The following L3MBTL4 variants were observed in gnomAD, a reference collection of about 807,000 sequenced individuals.
L3MBTL4 encodes lethal(3)malignant brain tumor-like protein 4.
L3MBTL4 carries 70 observed loss-of-function variants against 84.5 expected under a neutral mutation model. The ratio of observed to expected loss-of-function variants is 0.83; its 90% confidence interval spans 0.68 to 1.01. The LOEUF (loss-of-function observed/expected upper bound fraction) is 1.01, where lower values mean the gene tolerates loss of function less well. Among genes scored for constraint, L3MBTL4 ranks in the 50% least tolerant of loss-of-function variants. The probability of loss-of-function intolerance (pLI) is 0.00; values close to 1 mark genes in which losing one functional copy is unlikely to be tolerated. For missense variants in L3MBTL4, 715 were observed against 754.8 expected, an observed-to-expected ratio of 0.95 and a Z score of 0.62; for synonymous variants, 274 against 259.8, an observed-to-expected ratio of 1.05 and a Z score of -0.52.
chr18:6,076,555 T>C (rs1464190785), intron 16 of L3MBTL4, among the ~76,000 whole-genome samples: 1 of 152,062 alleles, frequency 6.6e-6, no homozygotes, highest in African/African-American at 2.4e-5. Context: ...TTTTTACTTA[T>C]AACAGAAATA....
At chr18:6,250,613 A>G (rs1302042604) in intron 5 of L3MBTL4, among the ~76,000 whole-genome samples, 1 of 152,158 alleles carries the variant, frequency 6.6e-6, no homozygotes, top group East Asian at 1.9e-4. Context: ...TATTTTCCTC[A>G]TTTTAATTCA....
intron 17 of L3MBTL4, among the ~76,000 whole-genome samples, chr18:5,969,064 C>G (rs947243489): frequency 6.6e-6 from 1 of 152,088 alleles, no homozygotes; most frequent in African/African-American, 2.4e-5. Context: ...TGTGCTTGCC[C>G]AAATTAAATC....
chr18:6,044,031 A>G (rs1598539735), intron 16 of L3MBTL4, among the ~76,000 whole-genome samples: 1 of 152,228 alleles, frequency 6.6e-6, no homozygotes, highest in Non-Finnish European at 1.5e-5. Context: ...ATGGCTGAGC[A>G]AAAGACTTGA....
At chr18:6,174,145 T>TAA (rs139680614) in intron 12 of L3MBTL4, among the ~76,000 whole-genome samples, 194 of 135,050 alleles carry the variant, frequency 1.4e-3, no homozygotes, top group African/African-American at 4.6e-3. Context: ...ACTCTACTCT[T>TAA]AAAAAAAAAA....
intron 1 of L3MBTL4, among the ~76,000 whole-genome samples, chr18:6,391,167 A>G (rs189647712): frequency 2.9e-4 from 44 of 152,346 alleles, no homozygotes; most frequent in African/African-American, 1.1e-3. Flanking sequence ...CAGGGATGCA[A>G]GAATATTTTA....
chr18:6,072,199 C>T (rs2057682438), intron 16 of L3MBTL4, among the ~76,000 whole-genome samples: 2 of 152,016 alleles, frequency 1.3e-5, no homozygotes, highest in Non-Finnish European at 2.9e-5. Flanking sequence ...ATATCACAAC[C>T]ATAGTAGAGG....
intron 10 of L3MBTL4, among the ~76,000 whole-genome samples, chr18:6,231,751 T>G (rs1294258522): frequency 6.6e-6 from 1 of 152,182 alleles, no homozygotes; most frequent in East Asian, 1.9e-4. Flanking sequence ...GTGTTGATTT[T>G]GTATCCTGCC....
At chr18:6,175,731 G>A (rs2044198488) in intron 12 of L3MBTL4, among the ~76,000 whole-genome samples, 1 of 152,160 alleles carries the variant, frequency 6.6e-6, no homozygotes, top group Non-Finnish European at 1.5e-5. Context: ...ATCAGACTAA[G>A]TAATACTTTA....
intron 14 of L3MBTL4, among the ~76,000 whole-genome samples, chr18:6,100,707 C>T (rs2058796092): frequency 6.6e-6 from 1 of 152,216 alleles, no homozygotes; most frequent in African/African-American, 2.4e-5. Context: ...CTAGGCACCC[C>T]TGGATGCCAC....
intron 1 of L3MBTL4, among the ~76,000 whole-genome samples, chr18:6,345,630 A>G (rs2052860503): frequency 6.6e-6 from 1 of 152,128 alleles, no homozygotes; most frequent in Non-Finnish European, 1.5e-5. Flanking sequence ...AGGGTGAAAA[A>G]TCTACACTGA....
rs750997763 is a variant in L3MBTL4 at position 6,399,151 on chromosome 18, A to C, written c.-91+15650T>G. Among the ~76,000 whole-genome samples the C allele has an allele frequency of 3.3e-5, 5 of 152,366 alleles. No individual in the cohort carries two copies. In the South Asian group the frequency reaches 6.2e-4, roughly 19 times the overall value. ...ACACTTAGCCAAACCTTTGGAAAGA[A>C]AAAGGACACTGGGCTTGGTGGCTCA... On this transcript the variant is annotated intron_variant, in intron 1 of 18. Transcript: ENST00000317931.
At chr18:6,375,798 TAAAG>T (rs2054342405) in intron 1 of L3MBTL4, among the ~76,000 whole-genome samples, 1 of 151,894 alleles carries the variant, frequency 6.6e-6, no homozygotes, top group Admixed American at 6.6e-5. Context: ...TGGGCAATAA[TAAAG>T]AAAGAAGGGC....
At chr18:6,251,178 G>A (rs954253804) in intron 5 of L3MBTL4, among the ~76,000 whole-genome samples, 3 of 152,236 alleles carry the variant, frequency 2.0e-5, no homozygotes, top group African/African-American at 2.4e-5. Flanking sequence ...TGCAGGCTTC[G>A]CTAAAATAGG....
At chr18:6,182,241 T>C (rs1173732071) in intron 12 of L3MBTL4, among the ~76,000 whole-genome samples, 2 of 152,242 alleles carry the variant, frequency 1.3e-5, no homozygotes, top group Non-Finnish European at 2.9e-5. Flanking sequence ...AGCATTTCTC[T>C]AATAATTAGT....
At chr18:6,211,703 C>T (rs2046111809) in intron 12 of L3MBTL4, among the ~76,000 whole-genome samples, 1 of 150,142 alleles carries the variant, frequency 6.7e-6, no homozygotes, top group African/African-American at 2.5e-5. Context: ...GGCTGGAGTG[C>T]AGTGGCATGA....
In L3MBTL4 at chr18:6,301,915, G is replaced by T. The variant is rs745748275; in HGVS notation, c.115C>A (p.Pro39Thr). 6.2e-7 allele frequency: 1 copy of T among 1,613,030 alleles called. No individual in the cohort carries two copies. Among genetic ancestry groups the T allele is most frequent in the Non-Finnish European group, 8.5e-7 (1 of 1,179,050 alleles). The change falls in exon 4 of 19, where the codon CCT (proline) becomes ACT (threonine). Residue 39 changes from proline to threonine, a missense_variant. Pro to Thr is a conservative substitution (Grantham distance 38). Transcript: ENST00000317931. ...TGGTGATAATTACCGTGACTCAAAG[G>T]GGTTGTGCTATCCTTGGGCTTCTTT... ...EEKKPKDSTT[P>T]LSHVPSAAAQ...
intron 16 of L3MBTL4, among the ~76,000 whole-genome samples, chr18:6,077,072 C>G (rs954967106): frequency 6.6e-6 from 1 of 152,126 alleles, no homozygotes; most frequent in African/African-American, 2.4e-5. Flanking sequence ...ACTCATTGAG[C>G]AAAGGAACAA....
intron 4 of L3MBTL4, among the ~76,000 whole-genome samples, chr18:6,287,613 AC>A (rs1241925333): frequency 1.3e-5 from 2 of 152,180 alleles, no homozygotes; most frequent in Non-Finnish European, 2.9e-5. Context: ...CACCCTCTCT[AC>A]ACTAAAAGGA....
intron 14 of L3MBTL4, among the ~76,000 whole-genome samples, chr18:6,116,043 G>T (rs570192170): frequency 6.6e-5 from 10 of 152,186 alleles, no homozygotes; most frequent in Non-Finnish European, 1.5e-4. Flanking sequence ...GCAGACTAAG[G>T]AGCAAGAGAG....
Sources: allele counts gnomAD v4.1 joint callset (sites outside exome capture counted in the v4.1 genomes callset), GRCh38; gene constraint gnomAD v4.1.1; transcripts MANE v1.5; gene names NCBI Gene and HGNC (gene_info 2026-07-23, HGNC 2026-07-21).